The following ASTN2 variants were observed in gnomAD, a reference collection of about 807,000 sequenced individuals.
ASTN2 encodes the protein astrotactin-2.
In ASTN2, 54 loss-of-function variants were observed where a neutral mutation model predicts 139.8. The ratio of observed to expected loss-of-function variants is 0.39; its 90% CI spans 0.31 to 0.48. The LOEUF is 0.48. Ranked by LOEUF, ASTN2 falls within the 20% of genes least tolerant of loss-of-function variation. ASTN2 has a pLI of 0.95. For missense variants in ASTN2, 1,565 were observed against 1,725.1 expected (o/e 0.91, Z 1.64); for synonymous variants, 756 against 719.5 (o/e 1.05, Z -0.81).
chr9:116,958,590 AAAAC>A (rs990133238), intron 10 of ASTN2, among the ~76,000 whole-genome samples: 5 of 152,140 alleles, frequency 3.3e-5, no homozygotes, highest in South Asian at 2.1e-4. Context: ...CTCCGTCTCA[AAAAC>A]AAACAAACAA....
At chr9:117,189,442 G>A (rs777465147) in intron 3 of ASTN2, among the ~76,000 whole-genome samples, 2 of 152,062 alleles carry the variant, frequency 1.3e-5, no homozygotes, top group African/African-American at 2.4e-5. Flanking sequence ...CCCCACAAAC[G>A]CTGCATCCCC....
At chr9:116,692,410 A>C (rs979583069) in intron 16 of ASTN2, among the ~76,000 whole-genome samples, 3 of 152,192 alleles carry the variant, frequency 2.0e-5, no homozygotes, top group Admixed American at 1.3e-4. Flanking sequence ...TAATAATAAA[A>C]ACTATTATTT....
intron 1 of ASTN2, among the ~76,000 whole-genome samples, chr9:117,316,448 C>A (rs977999307): frequency 6.6e-6 from 1 of 152,108 alleles, no homozygotes; most frequent in Non-Finnish European, 1.5e-5. Flanking sequence ...ATGGTAGTTT[C>A]TTCACTCTCT....
At chr9:117,104,542 G>GT (rs1252481994) in intron 4 of ASTN2, among the ~76,000 whole-genome samples, 3 of 152,152 alleles carry the variant, frequency 2.0e-5, no homozygotes, top group Non-Finnish European at 4.4e-5. Context: ...TATGAACAAA[G>GT]TTTTAAGAAG....
At chr9:116,999,232 C>G (rs144631674) in intron 7 of ASTN2, among the ~76,000 whole-genome samples, 5 of 152,072 alleles carry the variant, frequency 3.3e-5, no homozygotes, top group African/African-American at 4.8e-5. Flanking sequence ...GGATTTTGAG[C>G]GGAGAATATC....
intron 16 of ASTN2, among the ~76,000 whole-genome samples, chr9:116,673,755 C>T (rs72762098): frequency 0.095 from 14,438 of 152,182 alleles, 1,240 homozygotes; most frequent in East Asian, 0.4. Flanking sequence ...GAATATGGCC[C>T]TGGTGACACC....
chr9:116,510,282 G>A (rs1850313325), intron 19 of ASTN2, among the ~76,000 whole-genome samples: 1 of 152,106 alleles, frequency 6.6e-6, no homozygotes, highest in African/African-American at 2.4e-5. Context: ...CCCATTTCTT[G>A]CTCTTGTCAG....
intron 3 of ASTN2, among the ~76,000 whole-genome samples, chr9:117,163,791 G>A (rs572213397): frequency 1.3e-5 from 2 of 152,064 alleles, no homozygotes; most frequent in Non-Finnish European, 2.9e-5. Flanking sequence ...AACGGGTTAA[G>A]TACTTTTGCT....
At chr9:116,681,149 T>G (rs996066896) in intron 16 of ASTN2, among the ~76,000 whole-genome samples, 2 of 152,218 alleles carry the variant, frequency 1.3e-5, no homozygotes, top group African/African-American at 4.8e-5. Context: ...CAAAATCTCC[T>G]TAAGCTGATA....
At chr9:116,768,269 T>A (rs931528070) in intron 13 of ASTN2, among the ~76,000 whole-genome samples, 2 of 151,986 alleles carry the variant, frequency 1.3e-5, no homozygotes, top group Non-Finnish European at 2.9e-5. Flanking sequence ...ATATCCCACC[T>A]TACCGTGGTT....
At chr9:117,080,743 T>C (rs1386222247) in intron 5 of ASTN2, among the ~76,000 whole-genome samples, 3 of 152,132 alleles carry the variant, frequency 2.0e-5, no homozygotes, top group Admixed American at 1.3e-4. Context: ...AGCAGAGAGA[T>C]GAGCTTAGGA....
chr9:116,838,353 G>C (rs1233903923), intron 11 of ASTN2, among the ~76,000 whole-genome samples: 1 of 149,800 alleles, frequency 6.7e-6, no homozygotes, highest in African/African-American at 2.5e-5. Flanking sequence ...CAGGTGATCC[G>C]CCCGCCTCAG....
intron 16 of ASTN2, among the ~76,000 whole-genome samples, chr9:116,706,013 A>G (rs1341006480): frequency 6.6e-6 from 1 of 152,058 alleles, no homozygotes; most frequent in Admixed American, 6.5e-5. Context: ...TATATGACTT[A>G]CTGCCAACAG....
chr9:117,131,061 G>A lies in ASTN2; in HGVS notation c.1168+10265C>T, dbSNP rs1388610017. ...TTGATTACAGCTGAATTAGAAAAGAGCTGAAGTTGTCAACTTCTAACTATG... is the reference window on the plus strand; with the variant it reads ...TTGATTACAGCTGAATTAGAAAAGAACTGAAGTTGTCAACTTCTAACTATG... On this transcript the variant is annotated intron_variant, in intron 4 of 22. Transcript: ENST00000313400. 2.0e-5 allele frequency among the ~76,000 whole-genome samples: 3 copies of A among 152,290 alleles called. No homozygotes were observed. In the East Asian group the frequency reaches 5.8e-4, roughly 29 times the overall value.
intron 17 of ASTN2, among the ~76,000 whole-genome samples, chr9:116,632,249 G>GAAAGAAAGA (rs1311121869): frequency 1.6e-5 from 2 of 128,928 alleles, no homozygotes; most frequent in Non-Finnish European, 3.3e-5. Context: ...AAGAAAGAAA[G>GAAAGAAAGA]AAGGAAAGAA....
chr9:116,797,625 T>C (rs561651652), intron 13 of ASTN2, among the ~76,000 whole-genome samples: 9 of 152,338 alleles, frequency 5.9e-5, no homozygotes, highest in East Asian at 3.9e-4. Flanking sequence ...GGCTTGGGAA[T>C]AGCCTTGAAA....
intron 10 of ASTN2, among the ~76,000 whole-genome samples, chr9:116,922,630 T>C (rs1286143796): frequency 6.6e-6 from 1 of 152,188 alleles, no homozygotes; most frequent in Non-Finnish European, 1.5e-5. Context: ...TACATCTGTG[T>C]TATGGAATAT....
At chr9:117,320,738 C>T (rs1203732909) in intron 1 of ASTN2, among the ~76,000 whole-genome samples, 1 of 152,106 alleles carries the variant, frequency 6.6e-6, no homozygotes, top group Non-Finnish European at 1.5e-5. Flanking sequence ...TCTCATAGCC[C>T]TTTGATTTCC....
intron 2 of ASTN2, among the ~76,000 whole-genome samples, chr9:117,286,697 C>T (rs989965018): frequency 2.0e-5 from 3 of 152,196 alleles, no homozygotes; most frequent in African/African-American, 7.2e-5. Flanking sequence ...ACTCAGCCTG[C>T]TTTGGATTTC....
Sources: allele counts gnomAD v4.1 joint callset (sites outside exome capture counted in the v4.1 genomes callset), GRCh38; gene constraint gnomAD v4.1.1; transcripts MANE v1.5; gene names NCBI Gene and HGNC (gene_info 2026-07-23, HGNC 2026-07-21).